Variants in PTPRN2 observed in about 807,000 individuals in gnomAD.
PTPRN2 encodes the protein receptor-type tyrosine-protein phosphatase N2.
Under a neutral mutation model 118.8 loss-of-function variants are expected in PTPRN2, and 74 were observed. The ratio of observed to expected loss-of-function variants is 0.62; its 90% CI spans 0.52 to 0.76. The LOEUF (loss-of-function observed/expected upper bound fraction) is 0.76, where lower values mean the gene tolerates loss of function less well. Ranked by LOEUF, PTPRN2 falls within the 30% of genes least tolerant of loss-of-function variation. The probability of loss-of-function intolerance (pLI) is 0.00; values close to 1 mark genes in which losing one functional copy is unlikely to be tolerated. For synonymous variants in PTPRN2, 641 were observed against 608.0 expected (o/e 1.05, Z -0.80); for missense variants, 1,481 against 1,394.4 (o/e 1.06, Z -0.99).
At chr7:157,920,535 G>T (rs2128769268) in intron 11 of PTPRN2, among the ~76,000 whole-genome samples, 1 of 152,320 alleles carries the variant, frequency 6.6e-6, no homozygotes, top group South Asian at 2.1e-4. Context: ...GTTCTAGCCA[G>T]CGAGGACAAA....
At chr7:158,095,897 T>A (rs757632466) in intron 10 of PTPRN2, among the ~76,000 whole-genome samples, 3 of 152,082 alleles carry the variant, frequency 2.0e-5, no homozygotes, top group Admixed American at 1.3e-4. Context: ...AAGATTCAAG[T>A]CCTATGGATG....
intron 11 of PTPRN2, among the ~76,000 whole-genome samples, chr7:158,011,589 A>C (rs1286030414): frequency 6.6e-6 from 1 of 152,234 alleles, no homozygotes; most frequent in African/African-American, 2.4e-5. Context: ...AGGAGCTATA[A>C]GCAAAGGAAG....
At chr7:158,561,835 G>T (rs920198938) in intron 1 of PTPRN2, among the ~76,000 whole-genome samples, 1 of 152,152 alleles carries the variant, frequency 6.6e-6, no homozygotes, top group African/African-American at 2.4e-5. Context: ...CCCCACAGTA[G>T]CAGCAGCTCT....
chr7:157,662,270 A>G (rs1251404472), intron 13 of PTPRN2, among the ~76,000 whole-genome samples: 1 of 152,226 alleles, frequency 6.6e-6, no homozygotes, highest in Non-Finnish European at 1.5e-5. Flanking sequence ...CCTGACACAC[A>G]CCAGGTGATT....
chr7:158,420,767 T>C (rs1815182333), intron 2 of PTPRN2, among the ~76,000 whole-genome samples: 1 of 152,136 alleles, frequency 6.6e-6, no homozygotes, highest in Non-Finnish European at 1.5e-5. Context: ...GGTTCCTGCC[T>C]CCCTTCTCCG....
chr7:158,374,451 G>A (rs1290924754), intron 2 of PTPRN2, among the ~76,000 whole-genome samples: 1 of 152,082 alleles, frequency 6.6e-6, no homozygotes, highest in African/African-American at 2.4e-5. Context: ...CAACAGCGCA[G>A]AAACTCCACT....
intron 6 of PTPRN2, among the ~76,000 whole-genome samples, chr7:158,158,667 A>G (rs62480258): frequency 0.011 from 190 of 16,698 alleles, 20 homozygotes; most frequent in East Asian, 0.052. Flanking sequence ...TGCTTTCTGA[A>G]TGAATGAGTG....
intron 12 of PTPRN2, among the ~76,000 whole-genome samples, chr7:157,877,265 G>A (rs1482664068): frequency 5.4e-5 from 8 of 147,058 alleles, no homozygotes; most frequent in Admixed American, 3.4e-4. Context: ...GAGTTTCCTC[G>A]GGGACCCCAG....
intron 4 of PTPRN2, among the ~76,000 whole-genome samples, chr7:158,202,683 T>C (rs1826731533): frequency 6.6e-6 from 1 of 152,140 alleles, no homozygotes; most frequent in Admixed American, 6.5e-5. Context: ...GCAGGGATAA[T>C]TGCTCTTGCC....
At chr7:158,228,216 T>C (rs1828941036) in intron 3 of PTPRN2, among the ~76,000 whole-genome samples, 1 of 152,146 alleles carries the variant, frequency 6.6e-6, no homozygotes, top group Non-Finnish European at 1.5e-5. Context: ...ACTTAGTCAA[T>C]GACTGGGATG....
intron 6 of PTPRN2, among the ~76,000 whole-genome samples, chr7:158,149,573 TGG>T (rs1000213718): frequency 6.6e-6 from 1 of 151,750 alleles, no homozygotes; most frequent in African/African-American, 2.4e-5. Context: ...GGGTCCGAGG[TGG>T]GTGGATCACC....
intron 11 of PTPRN2, among the ~76,000 whole-genome samples, chr7:158,070,395 TCG>T (rs1811155291): frequency 8.9e-6 from 1 of 111,934 alleles, no homozygotes; most frequent in Non-Finnish European, 1.8e-5. Context: ...GTGGAGGTGC[TCG>T]TGGTGGTGGA....
intron 11 of PTPRN2, among the ~76,000 whole-genome samples, chr7:158,062,639 G>A (rs939066269): frequency 3.9e-5 from 6 of 152,310 alleles, no homozygotes; most frequent in Admixed American, 6.5e-5. Flanking sequence ...CTGGGTGGGC[G>A]TGGGCTCGGC....
At chr7:157,814,605 C>T (rs567148554) in intron 12 of PTPRN2, among the ~76,000 whole-genome samples, 17 of 151,902 alleles carry the variant, frequency 1.1e-4, no homozygotes, top group Middle Eastern at 3.4e-3. Flanking sequence ...CAGGGAGCCA[C>T]GTCTTCTCCA....
At chr7:158,138,705 A>T (rs76288340) in intron 6 of PTPRN2, among the ~76,000 whole-genome samples, 190 bp from the exon 7 acceptor site, 20 of 152,168 alleles carry the variant, frequency 1.3e-4, no homozygotes, top group Non-Finnish European at 2.8e-4. Context: ...TGACCCTGTA[A>T]CCATCACTAG....
intron 11 of PTPRN2, among the ~76,000 whole-genome samples, chr7:158,008,468 C>A (rs1252880676): frequency 6.6e-6 from 1 of 152,240 alleles, no homozygotes; most frequent in East Asian, 1.9e-4. Context: ...ACCTGTCCCG[C>A]GCGCGTGGTG....
Position 157,656,410 on chromosome 7 carries a change from A to G in PTPRN2, c.2143T>C (p.Ser715Pro). The G allele has an allele frequency of 3.2e-6, 5 of 1,553,136 alleles. No homozygotes were observed. The highest frequency in any genetic ancestry group is 4.4e-6 in the Non-Finnish European group (5 of 1,148,098). Reference sequence around the variant, plus strand: ...ATGTTGGACTGCACAGGCTCCTCGGACCAGGATGAGGCGCTGCTGCGTGCG... The same window carrying G: ...ATGTTGGACTGCACAGGCTCCTCGGGCCAGGATGAGGCGCTGCTGCGTGCG... Reference protein sequence around the residue: ...PSARSSASSWSEEPVQSNMDI... With the variant: ...PSARSSASSWPEEPVQSNMDI... The change falls in exon 14 of 23, where the codon TCC (serine) becomes CCC (proline). Residue 715 changes from serine to proline, a missense_variant. Coordinates refer to ENST00000389418, the MANE Select transcript of PTPRN2 (RefSeq NM_002847.5).
In PTPRN2 at chr7:157,677,727, C is replaced by T. The variant is rs1423987994; in HGVS notation, c.2001+4998G>A. Among the ~76,000 whole-genome samples, 5 of 152,214 alleles carry T rather than the reference C, an allele frequency of 3.3e-5. 1 individual carries two copies. The highest frequency in any genetic ancestry group is 1.3e-4 in the Admixed American group (2 of 15,282). The stretch of plus-strand genomic sequence containing the variant: ...AAACAGGTTCTTCCCACACTGGGGA[C>T]GACACGTACCCTTTACCCTCATCAT... On this transcript the variant is annotated intron_variant, in intron 13 of 22. Coordinates refer to ENST00000389418, the MANE Select transcript of PTPRN2 (RefSeq NM_002847.5).
chr7:158,411,961 T>C (rs531622991), intron 2 of PTPRN2, among the ~76,000 whole-genome samples: 1 of 151,368 alleles, frequency 6.6e-6, no homozygotes, highest in East Asian at 2.0e-4. Context: ...CGCAGCACCC[T>C]CATCAGCTCC....
Sources: gnomAD v4.1 joint callset for allele counts (sites outside exome capture counted in the v4.1 genomes callset) on GRCh38, gnomAD v4.1.1 for gene constraint, MANE v1.5 for transcripts, NCBI Gene and HGNC (gene_info 2026-07-23, HGNC 2026-07-21) for gene names.